SHISA9: variants seen among roughly 807,000 people sequenced by gnomAD.
The protein encoded by SHISA9 is shisa family member 9.
In SHISA9, 13 loss-of-function variants were observed where a neutral mutation model predicts 38.0. That is an observed-to-expected ratio of 0.34 (90% CI 0.22 to 0.54). SHISA9 has a LOEUF of 0.54. Among genes scored for constraint, SHISA9 ranks in the 20% least tolerant of loss-of-function variants. SHISA9 has a pLI of 0.91. For missense variants in SHISA9, 538 were observed against 575.8 expected (o/e 0.93, Z 0.67); for synonymous variants, 275 against 242.0 (o/e 1.14, Z -1.27).
chr16:13,110,180 T>C (rs1384979580), intron 2 of SHISA9, among the ~76,000 whole-genome samples: 5 of 152,300 alleles, frequency 3.3e-5, no homozygotes, highest in African/African-American at 1.2e-4. Context: ...TGGCTGCAAC[T>C]GAGATATTTG....
At chr16:13,359,069 T>G in the SHISA9 span, among the ~76,000 whole-genome samples, 2 of 143,072 alleles carry the variant, frequency 1.4e-5, no homozygotes, top group East Asian at 4.2e-4. Context: ...GCAATTCCCA[T>G]CCGTTGGACT....
the SHISA9 span, among the ~76,000 whole-genome samples, chr16:13,497,235 A>T: frequency 6.6e-6 from 1 of 152,146 alleles, no homozygotes; most frequent in Non-Finnish European, 1.5e-5. Context: ...GGAATGATTA[A>T]ATCTGTCTAA....
the SHISA9 span, among the ~76,000 whole-genome samples, chr16:13,399,738 A>G: frequency 6.6e-6 from 1 of 152,216 alleles, no homozygotes; most frequent in Non-Finnish European, 1.5e-5. Context: ...GCCTGCGTGT[A>G]TCTGACTTGC....
chr16:13,165,689 C>A (rs1596694817), intron 2 of SHISA9, among the ~76,000 whole-genome samples: 1 of 152,196 alleles, frequency 6.6e-6, no homozygotes, highest in African/African-American at 2.4e-5. Context: ...CAGTTCCACA[C>A]ACTCCAGCCT....
At chr16:13,316,263 T>G in the SHISA9 span, among the ~76,000 whole-genome samples, 1 of 152,116 alleles carries the variant, frequency 6.6e-6, no homozygotes, top group Admixed American at 6.5e-5. Flanking sequence ...ATTGCAAAAG[T>G]TTCCTGCAAC....
the SHISA9 span, among the ~76,000 whole-genome samples, chr16:13,396,157 A>G: frequency 6.6e-6 from 1 of 152,148 alleles, no homozygotes; most frequent in East Asian, 1.9e-4. Context: ...AGAATCTCAA[A>G]CTCTACAGTA....
intron 2 of SHISA9, among the ~76,000 whole-genome samples, chr16:13,077,592 C>G (rs1170283913): frequency 6.6e-6 from 1 of 152,144 alleles, no homozygotes; most frequent in Non-Finnish European, 1.5e-5. Flanking sequence ...ACCCAAAAGC[C>G]TCTAGTACAT....
chr16:13,357,762 G>T, the SHISA9 span, among the ~76,000 whole-genome samples: 7 of 151,808 alleles, frequency 4.6e-5, no homozygotes, highest in African/African-American at 1.5e-4. Flanking sequence ...GTTCTCTGGC[G>T]GGTAGGAGTG....
At chr16:13,086,240 C>T (rs140770345) in intron 2 of SHISA9, among the ~76,000 whole-genome samples, 19 of 149,740 alleles carry the variant, frequency 1.3e-4, no homozygotes, top group South Asian at 4.3e-4. Flanking sequence ...CTGTAGTCTC[C>T]GTGGCTTGGG....
chr16:13,263,365 G>A, the SHISA9 span, among the ~76,000 whole-genome samples: 138 of 152,274 alleles, frequency 9.1e-4, no homozygotes, highest in African/African-American at 2.9e-3. Context: ...ATCACGGGGC[G>A]GAGTTCTCAT....
chr16:13,505,827 G>T, the SHISA9 span, among the ~76,000 whole-genome samples: 1 of 152,208 alleles, frequency 6.6e-6, no homozygotes, highest in Non-Finnish European at 1.5e-5. Flanking sequence ...TGGGTTGGTT[G>T]CAGAAACCTT....
At chr16:12,917,756 T>A (rs915439762) in intron 2 of SHISA9, among the ~76,000 whole-genome samples, 21 of 152,336 alleles carry the variant, frequency 1.4e-4, no homozygotes, top group African/African-American at 5.1e-4. Flanking sequence ...TGCATTTAGT[T>A]GTGGCTGGAG....
At chr16:13,475,786 C>T in the SHISA9 span, among the ~76,000 whole-genome samples, 1 of 152,154 alleles carries the variant, frequency 6.6e-6, no homozygotes, top group Admixed American at 6.5e-5. Flanking sequence ...TAGACAGTCC[C>T]ATATGGTCAC....
chr16:13,558,461 G>A, the SHISA9 span, among the ~76,000 whole-genome samples: 423 of 152,106 alleles, frequency 2.8e-3, 2 homozygotes, highest in African/African-American at 9.4e-3. Flanking sequence ...AGAAATACAG[G>A]GTTGGGTTCC....
chr16:13,329,625 T>C, the SHISA9 span, among the ~76,000 whole-genome samples: 2 of 152,188 alleles, frequency 1.3e-5, no homozygotes, highest in African/African-American at 2.4e-5. Flanking sequence ...TTCCCAGGCC[T>C]GTGAGTTTCC....
chr16:13,149,077 G>A (rs1211755800), intron 2 of SHISA9, among the ~76,000 whole-genome samples: 1 of 152,178 alleles, frequency 6.6e-6, no homozygotes, highest in Non-Finnish European at 1.5e-5. Flanking sequence ...GTGGTGAAGG[G>A]ATGGAGTGGA....
At chr16:13,157,447 A>G (rs2050557218) in intron 2 of SHISA9, among the ~76,000 whole-genome samples, 1 of 152,194 alleles carries the variant, frequency 6.6e-6, no homozygotes, top group African/African-American at 2.4e-5. Context: ...CTGTAACTGG[A>G]CAAGTTACTT....
the SHISA9 span, among the ~76,000 whole-genome samples, chr16:13,539,343 A>ATGT: frequency 3.0e-5 from 1 of 33,296 alleles, no homozygotes; most frequent in African/African-American, 8.1e-5. Flanking sequence ...ATATATATAT[A>ATGT]AAGATATATA....
chr16:13,471,002 T>G, the SHISA9 span, among the ~76,000 whole-genome samples: 162 of 151,878 alleles, frequency 1.1e-3, no homozygotes, highest in African/African-American at 3.7e-3. Context: ...AATCAAAGTG[T>G]ATTAATGAAA....
Sources: allele counts gnomAD v4.1 joint callset (sites outside exome capture counted in the v4.1 genomes callset), GRCh38; gene constraint gnomAD v4.1.1; transcripts MANE v1.5; gene names NCBI Gene and HGNC (gene_info 2026-07-23, HGNC 2026-07-21).